Variants in SLC25A43 observed in about 807,000 individuals in gnomAD.
SLC25A43 encodes solute carrier family 25 member 43, also known as solute carrier family 25, member 43.
In SLC25A43, 10 loss-of-function variants were observed where a neutral mutation model predicts 22.8. That is an observed-to-expected ratio of 0.44 (90% CI 0.27 to 0.74). The LOEUF (loss-of-function observed/expected upper bound fraction) is 0.74. SLC25A43 is among the 30% of genes least tolerant of loss of function. The pLI, the probability that SLC25A43 is intolerant of heterozygous loss-of-function variation, is 0.17. For missense variants in SLC25A43, 233 were observed against 279.1 expected (o/e 0.83, Z 1.18); for synonymous variants, 106 against 121.6 (o/e 0.87, Z 0.84).
rs563251728 is a variant in SLC25A43 at position 119,400,687 on chromosome X, C to T, written c.275+1009C>T. Among the ~76,000 whole-genome samples, 4 of 112,480 alleles carry T rather than the reference C, an allele frequency of 3.6e-5. No individual in the cohort carries two copies. The South Asian group carries it at 1.5e-3, about 42-fold the overall frequency. ...GGGAGGCCAGAGGTGGAAGGCTCAC[C>T]TGGCAGCCGACAAGCCGAACGGAAT... On this transcript the variant is annotated intron_variant, in intron 1 of 4. Transcript: ENST00000217909.
chrX:119,442,526 G>A (rs1426531698), intron 3 of SLC25A43, among the ~76,000 whole-genome samples: 2 of 112,066 alleles, frequency 1.8e-5, no homozygotes, highest in African/African-American at 6.5e-5. Flanking sequence ...TTAGCAGGAG[G>A]AACTTGAAGT....
intron 3 of SLC25A43, among the ~76,000 whole-genome samples, chrX:119,426,714 T>G (rs57206422): frequency 0.077 from 8,308 of 108,451 alleles, 238 homozygotes; most frequent in South Asian, 0.099. Context: ...TCCCAGCTAC[T>G]CAATAGGCTG....
rs2052218768 is a variant in SLC25A43 at position 119,399,649 on chromosome X, C to T, written c.246C>T (p.Cys82=). The change falls in exon 1 of 5, where the codon TGC becomes TGT. Residue 82 remains cysteine (C), a synonymous_variant. Coordinates refer to ENST00000217909, the MANE Select transcript of SLC25A43 (RefSeq NM_145305.3). ...TGGCGTGCCTGCGCCTCTTCCCCTG[C>T]AGCGCCGTGCAGCTCGCCGCCTACC... ...NAVACLRLFP[C]SAVQLAAYRK... is the part of the protein sequence containing the mutation. 2 of 996,696 alleles carry T rather than the reference C, an allele frequency of 2.0e-6. No individual in the cohort carries two copies. The highest frequency in any genetic ancestry group is 4.1e-5 in the East Asian group (1 of 24,157). 82.1% of individuals were successfully genotyped at this position (996,696 alleles called of 1,213,427 possible). A position where few individuals can be genotyped will look rare whatever the true frequency, so the allele number is the denominator to read the frequency against.
chrX:119,408,524 G>A (rs1326646243), intron 2 of SLC25A43, among the ~76,000 whole-genome samples: 2 of 111,285 alleles, frequency 1.8e-5, no homozygotes, highest in Admixed American at 9.6e-5. Context: ...AAATTAGCCC[G>A]CTCCTCTTTC....
chrX:119,410,312 G>A lies in SLC25A43; in HGVS notation c.640G>A (p.Val214Met). The change falls in exon 3 of 5, where the codon GTG becomes ATG. Residue 214 changes from valine to methionine, a missense_variant. By Grantham distance (21) the Val-to-Met change is conservative (BLOSUM62 1). Transcript: ENST00000217909. Reference sequence around the variant, plus strand: ...TGCTAATGTCTGTCTGGCTGCTGCAGTGACCCAGACCCTCTCCTTTCCCTT... The same window carrying A: ...TGCTAATGTCTGTCTGGCTGCTGCAATGACCCAGACCCTCTCCTTTCCCTT... ...NFANVCLAAAVTQTLSFPFET... is the reference protein window; with the variant it reads ...NFANVCLAAAMTQTLSFPFET... The A allele has an allele frequency of 2.5e-6, 3 of 1,211,378 alleles. No individual in the cohort carries two copies. Among genetic ancestry groups the A allele is most frequent in the Non-Finnish European group, 3.4e-6 (3 of 895,355 alleles).
At chrX:119,440,099 AG>A in intron 3 of SLC25A43, among the ~76,000 whole-genome samples, 1 of 4,245 alleles carries the variant, frequency 2.4e-4, no homozygotes, top group Non-Finnish European at 3.2e-4. Context: ...CATCACTTTC[AG>A]GTACACCAAT....
chrX:119,406,879 AC>A (rs2052302025), intron 2 of SLC25A43, among the ~76,000 whole-genome samples, 178 bp downstream of exon 2: 1 of 112,916 alleles, frequency 8.9e-6, no homozygotes, highest in East Asian at 2.8e-4. Flanking sequence ...CCACTCCTAA[AC>A]TTTGGCCAGT....
rs1362682508 is a variant in SLC25A43, at chrX:119,454,362, A to G, written c.*1297A>G. The G allele has an allele frequency of 8.9e-6, 1 of 112,632 alleles. No individual in the cohort carries two copies. The allele number at this position is 112,632 out of a possible 1,213,427, so 9.3% of individuals were successfully genotyped here. ...CACCTATCTATGCATTTAAAAATGC[A>G]TTAATATCTAACATAAAATTGTTAA... On this transcript the variant is annotated 3_prime_UTR_variant, in exon 5 of 5. Transcript: ENST00000217909.
In SLC25A43 at chrX:119,399,397, G is replaced by A. The variant is rs773091808; in HGVS notation, c.-7G>A. The A allele has an allele frequency of 5.5e-5, 55 of 1,001,113 alleles. No individual in the cohort carries two copies. In the South Asian group the frequency reaches 1.5e-3, roughly 28 times the overall value. The allele number at this position is 1,001,113 out of a possible 1,213,427, so 82.5% of individuals were successfully genotyped here. A position where few individuals can be genotyped will look rare whatever the true frequency, so the allele number is the denominator to read the frequency against. ...CACGCGGTCTTCCGGGCCCGGGTCG[G>A]GGCTCGATGGCTACGTGGAGGCGGG... On this transcript the variant is annotated 5_prime_UTR_variant, in exon 1 of 5. Transcript: ENST00000217909.
chrX:119,424,207 C>T lies in SLC25A43; in HGVS notation c.690+13845C>T, dbSNP rs1201286912. 3.0e-3 allele frequency among the ~76,000 whole-genome samples: 291 copies of T among 96,367 alleles called. 1 individual carries two copies. Among genetic ancestry groups the T allele is most frequent in the Non-Finnish European group, 4.9e-3 (242 of 49,240 alleles). The allele number at this position is 96,367 out of a possible 115,157, so 83.7% of individuals were successfully genotyped here. ...CAGCCTGGGCGACAGAGCAAGACTCCGTCTCAAAAAAAAAAAAAAAGAAAG... is the reference window on the plus strand; with the variant it reads ...CAGCCTGGGCGACAGAGCAAGACTCTGTCTCAAAAAAAAAAAAAAAGAAAG... On this transcript the variant is annotated intron_variant, in intron 3 of 4. Coordinates refer to ENST00000217909, the MANE Select transcript of SLC25A43 (RefSeq NM_145305.3).
chrX:119,426,811 C>CT lies in SLC25A43; in HGVS notation c.690+16450dup, dbSNP rs754350713. On this transcript the variant is annotated intron_variant, in intron 3 of 4. Transcript: ENST00000217909. ...CCAGCCTGGGCGACAGAGTGAAACT[C>CT]TATTTAAAAAAAAAAAAAAGCCAGT... Among the ~76,000 whole-genome samples the CT allele has an allele frequency of 7.8e-4, 46 of 59,283 alleles. 1 individual carries two copies. The East Asian group carries it at 0.02, about 26-fold the overall frequency. The allele number at this position is 59,283 out of a possible 115,157, so 51.5% of individuals were successfully genotyped here. A position where few individuals can be genotyped will look rare whatever the true frequency, so the allele number is the denominator to read the frequency against.
chrX:119,443,600 G>A (rs982417255), intron 3 of SLC25A43, among the ~76,000 whole-genome samples: 22 of 109,167 alleles, frequency 2.0e-4, no homozygotes, highest in African/African-American at 7.3e-4. Context: ...AACCAGGCTG[G>A]GAGATTCAGC....
intron 3 of SLC25A43, among the ~76,000 whole-genome samples, chrX:119,432,409 T>C (rs1251676411): frequency 1.8e-5 from 2 of 111,695 alleles, no homozygotes; most frequent in African/African-American, 6.5e-5. Context: ...GTATAGCTAA[T>C]TGTTGAAGTT....
chrX:119,408,174 G>C (rs1342106522), intron 2 of SLC25A43, among the ~76,000 whole-genome samples: 1 of 110,170 alleles, frequency 9.1e-6, no homozygotes, highest in Non-Finnish European at 1.9e-5. Flanking sequence ...GCCCCTGCCA[G>C]TTTGTCCTAC....
chrX:119,427,497 G>A (rs752973005), intron 3 of SLC25A43, among the ~76,000 whole-genome samples: 7 of 112,518 alleles, frequency 6.2e-5, no homozygotes, highest in African/African-American at 1.9e-4. Context: ...TGCAGAGCCC[G>A]GGTGCTTCCC....
chrX:119,400,606 G>A (rs1184109468), intron 1 of SLC25A43, among the ~76,000 whole-genome samples: 5 of 112,164 alleles, frequency 4.5e-5, no homozygotes, highest in Non-Finnish European at 9.4e-5. Context: ...TGACCGCATA[G>A]TTTAGTCTTG....
chrX:119,403,982 G>A (rs1266418796), intron 1 of SLC25A43, among the ~76,000 whole-genome samples: 1 of 99,126 alleles, frequency 1.0e-5, no homozygotes, highest in Non-Finnish European at 2.0e-5. Context: ...CTAGTCACAA[G>A]TCCAGGCCTC....
At chrX:119,412,354 T>A (rs761593759) in intron 3 of SLC25A43, among the ~76,000 whole-genome samples, 86 of 111,203 alleles carry the variant, frequency 7.7e-4, no homozygotes, top group Non-Finnish European at 1.4e-3. Flanking sequence ...TTTCACACAA[T>A]TTTTCCAGTT....
chrX:119,452,588 A>G (rs1379645037), intron 4 of SLC25A43, among the ~76,000 whole-genome samples: 1 of 111,385 alleles, frequency 9.0e-6, no homozygotes, highest in African/African-American at 3.3e-5. Flanking sequence ...GCCAGCATAT[A>G]GTGACAGGTA....
Sources: gnomAD v4.1 joint callset for allele counts (sites outside exome capture counted in the v4.1 genomes callset) on GRCh38, gnomAD v4.1.1 for gene constraint, MANE v1.5 for transcripts, NCBI Gene and HGNC (gene_info 2026-07-23, HGNC 2026-07-21) for gene names.